The following ANO2 variants were observed in gnomAD, a reference collection of about 807,000 sequenced individuals.
The protein encoded by ANO2 is anoctamin-2.
Under a neutral mutation model 124.2 loss-of-function variants are expected in ANO2, and 101 were observed. The observed-to-expected ratio is 0.81, with a 90% CI of 0.69 to 0.96. The LOEUF (loss-of-function observed/expected upper bound fraction) is 0.96, where lower values mean the gene tolerates loss of function less well. Among genes scored for constraint, ANO2 ranks in the 40% least tolerant of loss-of-function variants. The pLI is 0.00. For missense variants in ANO2, 1,293 were observed against 1,274.5 expected (o/e 1.01, Z -0.22); for synonymous variants, 486 against 482.5 (o/e 1.01, Z -0.09).
intron 14 of ANO2, among the ~76,000 whole-genome samples, chr12:5,665,168 C>A (rs1319355652): frequency 6.6e-6 from 1 of 152,190 alleles, no homozygotes; most frequent in East Asian, 1.9e-4. Flanking sequence ...GCAGAGGGTG[C>A]AGGGGCTACT....
intron 14 of ANO2, among the ~76,000 whole-genome samples, chr12:5,708,682 T>C (rs1170900544): frequency 6.6e-6 from 1 of 152,220 alleles, no homozygotes; most frequent in Non-Finnish European, 1.5e-5. Context: ...TAAAGGCACC[T>C]ACCTCATAAG....
chr12:5,566,593 C>G (rs1941774837), intron 23 of ANO2, among the ~76,000 whole-genome samples: 2 of 152,142 alleles, frequency 1.3e-5, no homozygotes, highest in African/African-American at 2.4e-5. Flanking sequence ...TGTCAGGCCA[C>G]CAAGCAATGA....
At chr12:5,748,775 T>A (rs1435640870) in intron 11 of ANO2, among the ~76,000 whole-genome samples, 1 of 148,422 alleles carries the variant, frequency 6.7e-6, no homozygotes, top group Non-Finnish European at 1.5e-5. Flanking sequence ...TAATAACCCA[T>A]CTCCTGTGAT....
At chr12:5,838,882 G>C (rs1954414360) in intron 4 of ANO2, among the ~76,000 whole-genome samples, 1 of 152,196 alleles carries the variant, frequency 6.6e-6, no homozygotes, top group South Asian at 2.1e-4. Context: ...CTGCCTCTTT[G>C]CTGACACCAA....
rs140541766 is a variant in ANO2, at chr12:5,860,180, C to T, written c.535-6039G>A. On this transcript the variant is annotated intron_variant, in intron 3 of 24. Transcript: ENST00000682330. Reference sequence around the variant, plus strand: ...CCTCCATTGCAAAGCTCTCATCATCCCCCATCCCAACCAACTCCTATTTGG... The same window carrying T: ...CCTCCATTGCAAAGCTCTCATCATCTCCCATCCCAACCAACTCCTATTTGG... Among the ~76,000 whole-genome samples, 66 of 152,236 alleles carry T rather than the reference C, an allele frequency of 4.3e-4. No homozygotes were observed. In the East Asian group the frequency reaches 0.013, roughly 29 times the overall value.
At chr12:5,567,012 G>A (rs1394202366) in intron 23 of ANO2, among the ~76,000 whole-genome samples, 4 of 152,134 alleles carry the variant, frequency 2.6e-5, no homozygotes, top group African/African-American at 9.7e-5. Context: ...GAAGAGAAGA[G>A]AAAAAGAGGA....
chr12:5,923,090 A>ATG lies in ANO2; in HGVS notation c.23-287_23-286insCA, dbSNP rs1565783489. 1.6e-3 allele frequency among the ~76,000 whole-genome samples: 17 copies of ATG among 10,838 alleles called. 2 individuals are homozygous for ATG. The highest frequency in any genetic ancestry group is 2.0e-3 in the African/African-American group (17 of 8,580). The allele number at this position is 10,838 out of a possible 152,430, so 7.1% of individuals were successfully genotyped here. A position where few individuals can be genotyped will look rare whatever the true frequency, so the allele number is the denominator to read the frequency against. ...CACACACATGCACACATACACACAC[A>ATG]CACGCACACACATACACACACATGC... On this transcript the variant is annotated intron_variant, in intron 1 of 24. Coordinates refer to ENST00000682330, the MANE Select transcript of ANO2 (RefSeq NM_001364791.2).
intron 3 of ANO2, among the ~76,000 whole-genome samples, chr12:5,875,337 C>A (rs138125402): frequency 2.6e-4 from 40 of 152,340 alleles, no homozygotes; most frequent in Middle Eastern, 6.8e-3. Context: ...TTGGATGATA[C>A]CTGCCAGAGA....
intron 4 of ANO2, among the ~76,000 whole-genome samples, chr12:5,838,670 T>C (rs1338728204): frequency 1.3e-5 from 2 of 152,160 alleles, no homozygotes; most frequent in Admixed American, 1.3e-4. Context: ...CAGGAGCCCT[T>C]CCTTGCCCTC....
intron 1 of ANO2, among the ~76,000 whole-genome samples, chr12:5,931,337 T>A (rs1430667008): frequency 6.6e-6 from 1 of 152,078 alleles, no homozygotes; most frequent in African/African-American, 2.4e-5. Context: ...GGGGTGGGGA[T>A]GATATACGTG....
chr12:5,781,167 T>C (rs1952382815), intron 10 of ANO2, among the ~76,000 whole-genome samples: 1 of 152,178 alleles, frequency 6.6e-6, no homozygotes, highest in South Asian at 2.1e-4. Flanking sequence ...CAGAACTTGG[T>C]TAATTAGCAT....
At chr12:5,737,567 T>C (rs1347904093) in intron 13 of ANO2, among the ~76,000 whole-genome samples, 3 of 152,234 alleles carry the variant, frequency 2.0e-5, no homozygotes, top group Non-Finnish European at 4.4e-5. Context: ...AACTTGTCTC[T>C]GGCCCCACAC....
In ANO2 at chr12:5,921,171, G is replaced by C; in HGVS notation, c.403C>G (p.Pro135Ala). 1 of 1,613,924 alleles carries C rather than the reference G, an allele frequency of 6.2e-7. No homozygotes were observed. The highest frequency in any genetic ancestry group is 2.2e-5 in the East Asian group (1 of 44,866). ...IVSNGETGKE[P>A]HAGGPGDIEL... ...ATGTCACCTGGGCCCCCAGCATGAGGCTCCTTGCCTGTCTCCCCATTGGAG... is the reference window on the plus strand; with the variant it reads ...ATGTCACCTGGGCCCCCAGCATGAGCCTCCTTGCCTGTCTCCCCATTGGAG... The change falls in exon 3 of 25, where the codon CCT becomes GCT. Residue 135 changes from proline (P) to alanine (A), a missense_variant. Coordinates refer to ENST00000682330, the MANE Select transcript of ANO2 (RefSeq NM_001364791.2).
Position 5,635,339 on chromosome 12 carries a change from C to A in ANO2, c.1629G>T (p.Leu543=). The change falls in exon 16 of 25, where the codon CTG becomes CTT. Residue 543 remains leucine (L), a synonymous_variant. Transcript: ENST00000682330. The surrounding 1 kb of genome is among the most constrained non-coding windows in gnomAD (Gnocchi z 5.2). The part of the protein sequence containing the change: ...NFASILFMIA[L]TFSIVFGVIV... Reference sequence around the variant, plus strand: ...TCACCCCAAAGACGATTGAGAATGTCAGGGCAATCTGTTTGGGAAAACAGA... The same window carrying A: ...TCACCCCAAAGACGATTGAGAATGTAAGGGCAATCTGTTTGGGAAAACAGA... The A allele has an allele frequency of 6.4e-7, 1 of 1,566,736 alleles. No individual in the cohort carries two copies. The highest frequency in any genetic ancestry group is 8.6e-7 in the Non-Finnish European group (1 of 1,160,686).
At chr12:5,876,460 C>T (rs749403012) in intron 3 of ANO2, among the ~76,000 whole-genome samples, 10 of 152,086 alleles carry the variant, frequency 6.6e-5, no homozygotes, top group Non-Finnish European at 1.5e-4. Context: ...CATCATTTGA[C>T]GCAGCAATCC....
intron 19 of ANO2, among the ~76,000 whole-genome samples, chr12:5,610,980 T>TTTTTTTTTTTTGC (rs1944518156): frequency 6.8e-6 from 1 of 146,158 alleles, no homozygotes; most frequent in Non-Finnish European, 1.5e-5. Flanking sequence ...TGCTTTTTTT[T>TTTTTTTTTTTTGC]TTTTTTTTTG....
At chr12:5,720,736 C>G (rs1950197757) in intron 14 of ANO2, among the ~76,000 whole-genome samples, 1 of 151,794 alleles carries the variant, frequency 6.6e-6, no homozygotes, top group African/African-American at 2.4e-5. Context: ...TTCTCCTCCC[C>G]CACTGCTCTC....
intron 20 of ANO2, among the ~76,000 whole-genome samples, chr12:5,582,029 A>G (rs1016174122): frequency 1.3e-5 from 2 of 152,252 alleles, no homozygotes; most frequent in Admixed American, 6.5e-5. Context: ...TCAAAGGTCT[A>G]AAATGCTGGG....
chr12:5,660,578 T>G (rs1490839352), intron 14 of ANO2, among the ~76,000 whole-genome samples: 1 of 151,524 alleles, frequency 6.6e-6, no homozygotes, highest in Non-Finnish European at 1.5e-5. Context: ...CCATCCCTGG[T>G]CCATGTTATT....
Sources: gnomAD v4.1 joint callset for allele counts (sites outside exome capture counted in the v4.1 genomes callset) on GRCh38, gnomAD v4.1.1 for gene constraint, Gnocchi (gnomAD v3.1) non-coding constraint, MANE v1.5 for transcripts, NCBI Gene and HGNC (gene_info 2026-07-23, HGNC 2026-07-21) for gene names.